ANO3: variants seen among roughly 807,000 people sequenced by gnomAD.
The protein encoded by ANO3 is anoctamin-3.
Under a neutral mutation model 144.8 loss-of-function variants are expected in ANO3, and 99 were observed. That is an observed-to-expected ratio of 0.68 (90% CI 0.58 to 0.81). The LOEUF is 0.81. Ranked by LOEUF, ANO3 falls within the 30% of genes least tolerant of loss-of-function variation. The pLI is 0.00. For synonymous variants in ANO3, 414 were observed against 392.6 expected (o/e 1.05, Z -0.64); for missense variants, 905 against 1,202.2 (o/e 0.75, Z 3.66).
chr11:26,481,766 T>C (rs1860227344), intron 4 of ANO3, among the ~76,000 whole-genome samples: 1 of 152,052 alleles, frequency 6.6e-6, no homozygotes. Context: ...TAGGGATCAG[T>C]TGTTGTTTTG....
At chr11:26,236,058 A>G (rs566679909) in intron 1 of ANO3, among the ~76,000 whole-genome samples, 27 of 152,288 alleles carry the variant, frequency 1.8e-4, no homozygotes, top group African/African-American at 6.5e-4. Flanking sequence ...ATTATTTTCT[A>G]CATACCAGTA....
At chr11:26,261,742 C>A (rs1174808323) in intron 1 of ANO3, among the ~76,000 whole-genome samples, 7 of 152,116 alleles carry the variant, frequency 4.6e-5, no homozygotes, top group Non-Finnish European at 1.0e-4. Flanking sequence ...ATTTGAAGAA[C>A]AAAGAGTGAA....
At chr11:26,509,501 CGG>C (rs1431837475) in intron 5 of ANO3, among the ~76,000 whole-genome samples, 1 of 151,794 alleles carries the variant, frequency 6.6e-6, no homozygotes, top group African/African-American at 2.4e-5. Flanking sequence ...TTAGTAGAGA[CGG>C]GGTTTCACCA....
chr11:26,324,825 C>T (rs983868609), intron 1 of ANO3, among the ~76,000 whole-genome samples: 1 of 152,140 alleles, frequency 6.6e-6, no homozygotes, highest in Non-Finnish European at 1.5e-5. Context: ...CCGTTAGGTA[C>T]TCCTAATCAA....
At chr11:26,564,116 A>T (rs1292490436) in intron 14 of ANO3, among the ~76,000 whole-genome samples, 1 of 151,172 alleles carries the variant, frequency 6.6e-6, no homozygotes, top group African/African-American at 2.4e-5. Context: ...AGCTAACTAA[A>T]TTTTTTTTTA....
At chr11:26,301,776 T>G (rs1055097205) in intron 1 of ANO3, among the ~76,000 whole-genome samples, 4 of 152,188 alleles carry the variant, frequency 2.6e-5, no homozygotes, top group Non-Finnish European at 5.9e-5. Context: ...TCCCTATTGT[T>G]ACAAAAACCT....
chr11:26,443,447 C>A (rs1858595235), intron 2 of ANO3, among the ~76,000 whole-genome samples: 1 of 151,770 alleles, frequency 6.6e-6, no homozygotes, highest in African/African-American at 2.4e-5. Context: ...ACTAAAAATA[C>A]AAAAGTTAGC....
In ANO3 at chr11:26,295,502, T is replaced by G. The variant is rs1462834122; in HGVS notation, c.155-14143T>G. Among the ~76,000 whole-genome samples the G allele has an allele frequency of 2.6e-5, 3 of 116,342 alleles. No individual in the cohort carries two copies. The East Asian group carries it at 7.0e-4, about 27-fold the overall frequency. 76.3% of individuals were successfully genotyped at this position (116,342 alleles called of 152,430 possible). A position where few individuals can be genotyped will look rare whatever the true frequency, so the allele number is the denominator to read the frequency against. On this transcript the variant is annotated intron_variant, in intron 1 of 27. Transcript: ENST00000672621. ...ATAGCGCCCAGCCTGGGCGATAGAG[T>G]GAGACTCTGTCTCAAAAAAAAAAAA...
chr11:26,416,365 G>A (rs1395810222), intron 1 of ANO3, among the ~76,000 whole-genome samples: 1 of 151,834 alleles, frequency 6.6e-6, no homozygotes, highest in Non-Finnish European at 1.5e-5. Flanking sequence ...GATATGCAGA[G>A]AAGACACAAG....
chr11:26,469,278 T>A (rs1434056566), intron 4 of ANO3, among the ~76,000 whole-genome samples: 1 of 151,934 alleles, frequency 6.6e-6, no homozygotes, highest in East Asian at 1.9e-4. Flanking sequence ...TTTTCAGAGT[T>A]GCTTCAAATT....
rs746211448 is a variant in ANO3 at position 26,441,964 on chromosome 11, A to G, written c.93A>G (p.Lys31=). The G allele has an allele frequency of 3.7e-6, 6 of 1,613,898 alleles. No individual in the cohort carries two copies. In the Admixed American group the frequency reaches 1.0e-4, roughly 27 times the overall value. The part of the protein sequence containing the change: ...KSEITKETSL[K]PSRRSLPCLA... ...AGATAACAAAAGAAACTTCGTTAAA[A>G]CCGTCTCGGAGATCCCTGCCTTGCC... Residue 31 remains lysine (K), a synonymous_variant, in exon 2 of 27, where the codon AAA becomes AAG. Coordinates refer to ENST00000256737, the MANE Select transcript of ANO3 (RefSeq NM_031418.4).
intron 1 of ANO3, among the ~76,000 whole-genome samples, chr11:26,326,157 T>C (rs955242984): frequency 6.6e-6 from 1 of 152,182 alleles, no homozygotes; most frequent in Admixed American, 6.5e-5. Flanking sequence ...TTTTCCCTTT[T>C]TACATTTATT....
intron 1 of ANO3, among the ~76,000 whole-genome samples, chr11:26,407,361 A>C (rs937333926): frequency 6.6e-6 from 1 of 151,632 alleles, no homozygotes; most frequent in African/African-American, 2.4e-5. Flanking sequence ...TGCTATCCCC[A>C]CTTGGAACAA....
intron 1 of ANO3, among the ~76,000 whole-genome samples, chr11:26,429,482 T>C (rs1490281784): frequency 2.0e-5 from 3 of 147,432 alleles, no homozygotes; most frequent in Non-Finnish European, 4.5e-5. Flanking sequence ...AAACATATCA[T>C]GTAGAGAATG....
chr11:26,550,560 T>C lies in ANO3; in HGVS notation c.1290-2689T>C, dbSNP rs573429710. On this transcript the variant is annotated intron_variant, in intron 12 of 26. Transcript: ENST00000256737. ...GACTGGCTTAATTCACTTAGCATAA[T>C]TTCCTCTAGGTTTATCCATGTTATC... 2.0e-4 allele frequency among the ~76,000 whole-genome samples: 31 copies of C among 152,158 alleles called. 1 individual carries two copies. Among genetic ancestry groups the C allele is most frequent in the Middle Eastern group, 3.4e-3 (1 of 294 alleles).
At chr11:26,412,762 A>G (rs1857464979) in intron 1 of ANO3, among the ~76,000 whole-genome samples, 1 of 148,616 alleles carries the variant, frequency 6.7e-6, no homozygotes. Context: ...TTCAGGTTCA[A>G]AAGAAAGCCA....
intron 4 of ANO3, among the ~76,000 whole-genome samples, chr11:26,471,093 A>T (rs1471863852): frequency 6.6e-6 from 1 of 151,990 alleles, no homozygotes; most frequent in Non-Finnish European, 1.5e-5. Context: ...TAATTCAATG[A>T]CATTAGGTAG....
chr11:26,487,213 C>T (rs1860486695), intron 4 of ANO3, among the ~76,000 whole-genome samples: 1 of 152,184 alleles, frequency 6.6e-6, no homozygotes, highest in African/African-American at 2.4e-5. Flanking sequence ...TCATGGGGGC[C>T]AGTCTTTCCC....
intron 18 of ANO3, among the ~76,000 whole-genome samples, chr11:26,633,478 A>G (rs766547284): frequency 1.3e-5 from 2 of 152,242 alleles, no homozygotes; most frequent in Admixed American, 6.5e-5. Context: ...TCTCTTTGCC[A>G]TTCCACTTCC....
Sources: allele counts gnomAD v4.1 joint callset (sites outside exome capture counted in the v4.1 genomes callset), GRCh38; gene constraint gnomAD v4.1.1; transcripts MANE v1.5; gene names NCBI Gene and HGNC (gene_info 2026-07-23, HGNC 2026-07-21).